Variants in THEMIS observed in about 807,000 individuals in gnomAD.
THEMIS encodes protein THEMIS.
Under a neutral mutation model 52.6 loss-of-function variants are expected in THEMIS, and 37 were observed. That is an observed-to-expected ratio of 0.70 (90% CI 0.54 to 0.93). The LOEUF (loss-of-function observed/expected upper bound fraction) is 0.93. Among genes scored for constraint, THEMIS ranks in the 40% least tolerant of loss-of-function variants. The pLI is 0.00. For missense variants in THEMIS, 808 were observed against 763.1 expected (o/e 1.06, Z -0.69); for synonymous variants, 292 against 272.7 (o/e 1.07, Z -0.70).
intron 4 of THEMIS, among the ~76,000 whole-genome samples, chr6:127,762,571 T>C (rs1477338379): frequency 2.0e-5 from 3 of 152,044 alleles, no homozygotes; most frequent in Non-Finnish European, 2.9e-5. Flanking sequence ...AAGAAACTTA[T>C]TACTTCAAGG....
intron 4 of THEMIS, among the ~76,000 whole-genome samples, chr6:127,801,974 C>A (rs1488637020): frequency 6.6e-6 from 1 of 152,136 alleles, no homozygotes; most frequent in African/African-American, 2.4e-5. Context: ...AAGGAACATA[C>A]AGTTGGATCA....
At chr6:127,864,153 A>G (rs943958413) in intron 1 of THEMIS, among the ~76,000 whole-genome samples, 6 of 152,244 alleles carry the variant, frequency 3.9e-5, no homozygotes, top group Admixed American at 2.0e-4. Context: ...TCATATGAAT[A>G]TAAGAGTCAA....
In THEMIS at chr6:127,911,187, A is replaced by G. The variant is rs145453491; in HGVS notation, c.-150+7241T>C. On this transcript the variant is annotated intron_variant, in intron 1 of 6. Transcript: ENST00000368250. ...AGTGTTTGCCAAGTTTCTCCACAGT[A>G]TTGTTACCTTTCCCCTCTTTTCACA... is the stretch of plus-strand genomic sequence containing the variant. Among the ~76,000 whole-genome samples, 29 of 151,232 alleles carry G rather than the reference A, an allele frequency of 1.9e-4. 2 individuals are homozygous for G. The highest frequency in any genetic ancestry group is 6.9e-4 in the African/African-American group (28 of 40,628).
chr6:127,716,822 A>AG (rs1336049240), intron 5 of THEMIS, among the ~76,000 whole-genome samples: 1 of 151,966 alleles, frequency 6.6e-6, no homozygotes, highest in East Asian at 1.9e-4. Context: ...CTGAAGTAAG[A>AG]TGGGGAAAGA....
chr6:127,891,356 T>C (rs533247767), intron 1 of THEMIS, among the ~76,000 whole-genome samples: 1 of 151,636 alleles, frequency 6.6e-6, no homozygotes, highest in Admixed American at 6.6e-5. Context: ...TATGGTGAAA[T>C]CCTGTCCCTA....
intron 3 of THEMIS, among the ~76,000 whole-genome samples, chr6:127,814,153 G>A (rs905477507): frequency 6.6e-6 from 1 of 152,094 alleles, no homozygotes; most frequent in Non-Finnish European, 1.5e-5. Flanking sequence ...TTAAGAAGCG[G>A]ACATTAGCCA....
intron 4 of THEMIS, among the ~76,000 whole-genome samples, chr6:127,748,147 A>G (rs540141953): frequency 7.1e-4 from 108 of 152,202 alleles, no homozygotes; most frequent in African/African-American, 2.4e-3. Flanking sequence ...GCTTGCCTCT[A>G]TTAGGTGGGT....
chr6:127,721,688 A>G (rs1046854565), intron 4 of THEMIS, among the ~76,000 whole-genome samples: 7 of 152,006 alleles, frequency 4.6e-5, no homozygotes, highest in African/African-American at 1.7e-4. Flanking sequence ...TTTAAAATTT[A>G]TTGTCAGGCC....
At chr6:127,784,316 A>G (rs114336305) in intron 4 of THEMIS, among the ~76,000 whole-genome samples, 1,845 of 152,224 alleles carry the variant, frequency 0.012, 26 homozygotes, top group African/African-American at 0.041. Flanking sequence ...GCAGATCACT[A>G]TGACACATGT....
chr6:127,791,955 G>A (rs1199191524), intron 4 of THEMIS, among the ~76,000 whole-genome samples: 1 of 152,212 alleles, frequency 6.6e-6, no homozygotes, highest in Non-Finnish European at 1.5e-5. Flanking sequence ...GCCTGAAGGG[G>A]CAAGGGTGTT....
chr6:127,904,348 G>A (rs561842623), upstream of THEMIS, among the ~76,000 whole-genome samples: 1 of 152,048 alleles, frequency 6.6e-6, no homozygotes, highest in Non-Finnish European at 1.5e-5. Context: ...TGGGAAGCCA[G>A]GGCCAGCCAA....
At chr6:127,913,342 T>C (rs1352834712) in intron 1 of THEMIS, among the ~76,000 whole-genome samples, 2 of 152,222 alleles carry the variant, frequency 1.3e-5, no homozygotes, top group African/African-American at 4.8e-5. Flanking sequence ...ATATTTTTTA[T>C]GTGTCCATTT....
At chr6:127,894,564 A>G (rs1162862685) in intron 1 of THEMIS, among the ~76,000 whole-genome samples, 1 of 152,068 alleles carries the variant, frequency 6.6e-6, no homozygotes, top group East Asian at 1.9e-4. Flanking sequence ...AAAGTATTAA[A>G]CATGGCTGCC....
chr6:127,828,090 C>G (rs560148058), intron 3 of THEMIS, among the ~76,000 whole-genome samples: 5 of 152,244 alleles, frequency 3.3e-5, no homozygotes, highest in African/African-American at 9.6e-5. Context: ...ATCCTTTGAG[C>G]CTTCCATTTA....
chr6:127,745,930 A>G (rs573281761), intron 4 of THEMIS, among the ~76,000 whole-genome samples: 115 of 151,964 alleles, frequency 7.6e-4, no homozygotes, highest in African/African-American at 2.6e-3. Flanking sequence ...AAAGTTTTTA[A>G]CTTATTGTTT....
rs1415054899 is a variant in THEMIS, at chr6:127,709,906, G to GT, written c.*78dup. On this transcript the variant is annotated 3_prime_UTR_variant, in exon 6 of 6. Transcript: ENST00000368248. ...TTCTGGAGTCCATTGGGGAATACTC[G>GT]TTTTTCAGCTAGAAGGCTAGCTTCT... 9.0e-6 allele frequency: 12 copies of GT among 1,337,876 alleles called. No individual in the cohort carries two copies. The highest frequency in any genetic ancestry group is 1.2e-5 in the Non-Finnish European group (12 of 960,714). The allele number at this position is 1,337,876 out of a possible 1,614,324, so 82.9% of individuals were successfully genotyped here. A position where few individuals can be genotyped will look rare whatever the true frequency, so the allele number is the denominator to read the frequency against.
chr6:127,851,023 A>C (rs1441923904), intron 2 of THEMIS, among the ~76,000 whole-genome samples: 6 of 151,744 alleles, frequency 4.0e-5, no homozygotes. Flanking sequence ...CTAGAACAAA[A>C]GTATGAGAAT....
intron 4 of THEMIS, among the ~76,000 whole-genome samples, chr6:127,795,777 C>G (rs1777312233): frequency 1.3e-5 from 2 of 152,130 alleles, no homozygotes; most frequent in Non-Finnish European, 2.9e-5. Context: ...AATTGCAGTT[C>G]TTGACACTGA....
chr6:127,836,136 T>A (rs964672820), intron 2 of THEMIS, among the ~76,000 whole-genome samples: 1 of 152,154 alleles, frequency 6.6e-6, no homozygotes, highest in Non-Finnish European at 1.5e-5. Flanking sequence ...GAGGGAGGAC[T>A]ATACCCTCCC....
Sources: allele counts gnomAD v4.1 joint callset (sites outside exome capture counted in the v4.1 genomes callset), GRCh38; gene constraint gnomAD v4.1.1; transcripts MANE v1.5; gene names NCBI Gene and HGNC (gene_info 2026-07-23, HGNC 2026-07-21).